SUPT3H: variants seen among roughly 807,000 people sequenced by gnomAD.
SUPT3H encodes the protein SPT3 homolog, SAGA and STAGA complex component.
A neutral mutation model predicts 44.3 loss-of-function variants in SUPT3H; 44 were observed. That is an observed-to-expected ratio of 0.99 (90% CI 0.78 to 1.28). The LOEUF (loss-of-function observed/expected upper bound fraction) is 1.28. Ranked by LOEUF, SUPT3H falls within the 50% of genes most tolerant of loss-of-function variation. The probability of loss-of-function intolerance (pLI) is 0.00; values close to 1 mark genes in which losing one functional copy is unlikely to be tolerated. For missense variants in SUPT3H, 380 were observed against 387.1 expected, an observed-to-expected ratio of 0.98 and a Z score of 0.15; for synonymous variants, 124 against 125.6, an observed-to-expected ratio of 0.99 and a Z score of 0.09.
chr6:45,182,533 A>G (rs1813463574), intron 2 of SUPT3H, among the ~76,000 whole-genome samples: 1 of 152,228 alleles, frequency 6.6e-6, no homozygotes, highest in South Asian at 2.1e-4. Flanking sequence ...AAAGGCTGGG[A>G]TTACAGGCGT....
intron 2 of SUPT3H, among the ~76,000 whole-genome samples, chr6:45,210,000 A>G (rs542664035): frequency 1.9e-4 from 29 of 152,338 alleles, no homozygotes; most frequent in Admixed American, 6.5e-4. Flanking sequence ...GGCTCAGATG[A>G]TATCAGCAAA....
intron 4 of SUPT3H, among the ~76,000 whole-genome samples, chr6:45,019,856 G>A (rs1784861325): frequency 6.6e-6 from 1 of 151,822 alleles, no homozygotes; most frequent in South Asian, 2.1e-4. Flanking sequence ...TCTTAATAGT[G>A]AAGATTTTCA....
rs564901196 is a variant in SUPT3H, at chr6:45,157,611, C to T, written c.102-51605G>A. Among the ~76,000 whole-genome samples, 4 of 151,940 alleles carry T rather than the reference C, an allele frequency of 2.6e-5. No individual in the cohort carries two copies. In the South Asian group the frequency reaches 8.3e-4, roughly 32 times the overall value. On this transcript the variant is annotated intron_variant, in intron 2 of 10. Coordinates refer to ENST00000371459, the MANE Select transcript of SUPT3H (RefSeq NM_003599.4). ...TCACCCAGGCTGGAGTGCAGTGGCA[C>T]TATCTCAGCTCACTGCAACCTCCAG...
chr6:45,098,339 C>A (rs1166426973), intron 3 of SUPT3H: 1 of 154,728 alleles, frequency 6.5e-6, no homozygotes, highest in African/African-American at 2.4e-5. Context: ...AGGTGACCTG[C>A]CAAAGTCTGA....
chr6:45,170,885 A>G (rs1810659704), intron 2 of SUPT3H, among the ~76,000 whole-genome samples: 1 of 152,190 alleles, frequency 6.6e-6, no homozygotes, highest in African/African-American at 2.4e-5. Context: ...ATTCTGTGAT[A>G]TCATAAGCCC....
Position 44,857,898 on chromosome 6 carries a change from A to G in SUPT3H, c.913-28041T>C, listed in dbSNP as rs1482855019. Among the ~76,000 whole-genome samples the G allele has an allele frequency of 2.6e-5, 4 of 152,160 alleles. No individual in the cohort carries two copies. In the East Asian group the frequency reaches 5.8e-4, roughly 22 times the overall value. On this transcript the variant is annotated intron_variant, in intron 10 of 10. Transcript: ENST00000371459. The stretch of plus-strand genomic sequence containing the variant: ...TAAGTGCAAAACAGGAGGGAAGTAA[A>G]GACTTGTTCTCAGAACACATAATGC...
chr6:44,859,348 A>G (rs1045991178), intron 10 of SUPT3H, among the ~76,000 whole-genome samples: 4 of 152,232 alleles, frequency 2.6e-5, no homozygotes, highest in Non-Finnish European at 4.4e-5. Context: ...TTTTCATTTC[A>G]AAATCTCCAA....
At chr6:44,911,709 A>T (rs923732306) in intron 10 of SUPT3H, among the ~76,000 whole-genome samples, 1 of 152,234 alleles carries the variant, frequency 6.6e-6, no homozygotes, top group Non-Finnish European at 1.5e-5. Context: ...CAGTTCATGC[A>T]CTTTACATCT....
At chr6:45,130,715 T>TA (rs1803333564) in intron 2 of SUPT3H, among the ~76,000 whole-genome samples, 1 of 139,346 alleles carries the variant, frequency 7.2e-6, no homozygotes, top group African/African-American at 2.7e-5. Context: ...AAAACCACTT[T>TA]TTTTTTTTTT....
intron 10 of SUPT3H, among the ~76,000 whole-genome samples, chr6:44,857,410 A>G (rs541903548): frequency 6.6e-6 from 1 of 152,230 alleles, no homozygotes; most frequent in Non-Finnish European, 1.5e-5. Context: ...GACTGCTACA[A>G]TCGTTTGCTT....
At chr6:45,186,142 G>A (rs1814173281) in intron 2 of SUPT3H, among the ~76,000 whole-genome samples, 1 of 152,124 alleles carries the variant, frequency 6.6e-6, no homozygotes, top group South Asian at 2.1e-4. Flanking sequence ...GTCCCACTTT[G>A]CTGTAGTGGT....
At chr6:45,346,781 G>T (rs1463835496) in intron 2 of SUPT3H, among the ~76,000 whole-genome samples, 1 of 151,968 alleles carries the variant, frequency 6.6e-6, no homozygotes, top group Non-Finnish European at 1.5e-5. Context: ...TGGTCAGGCT[G>T]GTCTCAAACT....
chr6:45,003,709 G>T lies in SUPT3H; in HGVS notation c.448C>A (p.Leu150Ile), dbSNP rs768082837. The T allele has an allele frequency of 4.8e-5, 77 of 1,613,664 alleles. No individual in the cohort carries two copies. The highest frequency in any genetic ancestry group is 3.7e-4 in the Admixed American group (22 of 59,948). Residue 150 changes from leucine (L) to isoleucine (I), a missense_variant, in exon 6 of 11, where the codon CTT (leucine) becomes ATT (isoleucine). Physicochemically the swap from Leu to Ile is conservative, Grantham distance 5. Coordinates refer to ENST00000371459, the MANE Select transcript of SUPT3H (RefSeq NM_003599.4). ...FLNSIDQTGE[L>I]LAMFEDDEID... ...TCGTCATCTTCAAACATTGCTAAAA[G>T]TTCTCCTGTCTGGTCAATAGAGTTG...
chr6:45,175,541 C>T (rs1177372514), intron 2 of SUPT3H, among the ~76,000 whole-genome samples: 1 of 152,144 alleles, frequency 6.6e-6, no homozygotes, highest in African/African-American at 2.4e-5. Context: ...GGTGTGGACA[C>T]AAAGCCTAGC....
intron 1 of SUPT3H, among the ~76,000 whole-genome samples, chr6:45,368,609 C>T (rs1262569478): frequency 6.6e-6 from 1 of 151,992 alleles, no homozygotes; most frequent in African/African-American, 2.4e-5. Context: ...TGTTGAGAAC[C>T]TTATTACTAG....
intron 10 of SUPT3H, among the ~76,000 whole-genome samples, chr6:44,858,965 C>G (rs1377518999): frequency 2.6e-5 from 4 of 152,164 alleles, no homozygotes; most frequent in Non-Finnish European, 5.9e-5. Flanking sequence ...AAAAAAGAAT[C>G]TGGAATTGAA....
At chr6:44,903,997 C>T (rs1162848214) in intron 10 of SUPT3H, among the ~76,000 whole-genome samples, 2 of 152,158 alleles carry the variant, frequency 1.3e-5, no homozygotes, top group Non-Finnish European at 2.9e-5. Context: ...ATCCTAAAAA[C>T]TCTCAATAAA....
intron 2 of SUPT3H, among the ~76,000 whole-genome samples, chr6:45,292,021 T>G (rs142238814): frequency 6.6e-6 from 1 of 152,072 alleles, no homozygotes; most frequent in East Asian, 1.9e-4. Context: ...AGGAAAGAAT[T>G]TTAAGACCTG....
At chr6:45,068,595 C>G (rs1419291062) in intron 3 of SUPT3H, among the ~76,000 whole-genome samples, 1 of 152,128 alleles carries the variant, frequency 6.6e-6, no homozygotes, top group Non-Finnish European at 1.5e-5. Context: ...TTTTATTCCA[C>G]TTTATTTTTG....
Sources: allele counts gnomAD v4.1 joint callset (sites outside exome capture counted in the v4.1 genomes callset), GRCh38; gene constraint gnomAD v4.1.1; transcripts MANE v1.5; gene names NCBI Gene and HGNC (gene_info 2026-07-23, HGNC 2026-07-21).